The following ILDR2 variants were observed in gnomAD, a reference collection of about 807,000 sequenced individuals.
ILDR2 encodes immunoglobulin-like domain-containing receptor 2.
A neutral mutation model predicts 66.8 loss-of-function variants in ILDR2; 25 were observed. That is an observed-to-expected ratio of 0.37 (90% CI 0.27 to 0.52). The LOEUF (loss-of-function observed/expected upper bound fraction) is 0.52. Among genes scored for constraint, ILDR2 ranks in the 20% least tolerant of loss-of-function variants. ILDR2 has a pLI of 0.88. For missense variants in ILDR2, 827 were observed against 876.8 expected (o/e 0.94, Z 0.72); for synonymous variants, 367 against 357.2 (o/e 1.03, Z -0.31).
At chr1:166,954,674 AT>A (rs1052340800) in intron 3 of ILDR2, among the ~76,000 whole-genome samples, 8 of 151,788 alleles carry the variant, frequency 5.3e-5, no homozygotes, top group East Asian at 1.9e-4. Flanking sequence ...AGTAATACTG[AT>A]TTTTTTTCTT....
downstream of ILDR2, chr1:166,907,315 C>T (rs1316805484): frequency 6.6e-6 from 1 of 152,202 alleles, no homozygotes; most frequent in Non-Finnish European, 1.5e-5. Context: ...CAATAGCCCT[C>T]AAGTGTCTGG....
downstream of ILDR2, among the ~76,000 whole-genome samples, chr1:166,907,537 A>G (rs1417585411): frequency 3.9e-5 from 6 of 152,020 alleles, no homozygotes; most frequent in African/African-American, 1.2e-4. Flanking sequence ...GAGTCTCCCC[A>G]CTCCACAATC....
At chr1:166,974,759 A>G (rs1388084925) in intron 1 of ILDR2, among the ~76,000 whole-genome samples, 1 of 152,114 alleles carries the variant, frequency 6.6e-6, no homozygotes, top group Non-Finnish European at 1.5e-5. Flanking sequence ...TCTCTAGGGA[A>G]GAAATTAAGG....
intron 1 of ILDR2, among the ~76,000 whole-genome samples, chr1:166,963,932 G>A (rs1662776392): frequency 6.6e-6 from 1 of 152,092 alleles, no homozygotes; most frequent in South Asian, 2.1e-4. Flanking sequence ...AACACCATAT[G>A]GGACTTGAGT....
intron 6 of ILDR2, among the ~76,000 whole-genome samples, chr1:166,934,167 C>G (rs1379139208): frequency 6.6e-6 from 1 of 152,048 alleles, no homozygotes; most frequent in Non-Finnish European, 1.5e-5. Context: ...TATTTTAATG[C>G]CCCTCCACCT....
At position 166,936,822 on chromosome 1, in the gene ILDR2, G is replaced by T; in HGVS notation, c.557-85C>A. The T allele has an allele frequency of 7.4e-7, 1 of 1,343,304 alleles. No homozygotes were observed. Among genetic ancestry groups the T allele is most frequent in the East Asian group, 2.4e-5 (1 of 41,630 alleles). 83.2% of individuals were successfully genotyped at this position (1,343,304 alleles called of 1,614,324 possible). On this transcript the variant is annotated intron_variant, in intron 4 of 9. Transcript: ENST00000271417. The surrounding 1 kb of genome is among the most constrained non-coding windows in gnomAD (Gnocchi z 5.0). ...CTTTGATTGGCATCTCCCGGTGAAA[G>T]GGGGAGAGGAGGAGGGACCTAGGGA...
chr1:166,962,033 C>A (rs188524916), intron 1 of ILDR2, among the ~76,000 whole-genome samples: 1 of 152,230 alleles, frequency 6.6e-6, no homozygotes, highest in Non-Finnish European at 1.5e-5. Context: ...GACTAGAATT[C>A]CAAGTAAATG....
rs57212569 is a variant in ILDR2 at position 166,950,726 on chromosome 1, T to TACACACAC, written c.499+5999_499+6006dup. Among the ~76,000 whole-genome samples the TACACACAC allele has an allele frequency of 7.4e-3, 1,089 of 146,710 alleles. 16 individuals carry two copies. The highest frequency in any genetic ancestry group is 0.024 in the African/African-American group (949 of 39,760). ...GTATTGTGAATAATTTGATCTAAAA[T>TACACACAC]ACACACACACACACACACACACACA... is the stretch of plus-strand genomic sequence containing the variant. On this transcript the variant is annotated intron_variant, in intron 3 of 9. Transcript: ENST00000271417.
chr1:166,926,146 G>C (rs1373192704), intron 7 of ILDR2, among the ~76,000 whole-genome samples: 2 of 152,132 alleles, frequency 1.3e-5, no homozygotes, highest in Non-Finnish European at 2.9e-5. Context: ...TTCTAGTCTG[G>C]GACTGTTTCC....
At chr1:166,924,692 C>T (rs546098501) in intron 7 of ILDR2, among the ~76,000 whole-genome samples, 2 of 152,266 alleles carry the variant, frequency 1.3e-5, no homozygotes, top group Admixed American at 6.5e-5. Flanking sequence ...ATTGGCATGG[C>T]TATATTCCAA....
Position 166,912,161 on chromosome 1 carries a change from CT to C in ILDR2, c.*7193del, listed in dbSNP as rs1328935781. 6.6e-6 allele frequency: 1 copy of C among 152,144 alleles called. No individual in the cohort carries two copies. The highest frequency in any genetic ancestry group is 1.5e-5 in the Non-Finnish European group (1 of 68,012). 9.4% of individuals were successfully genotyped at this position (152,144 alleles called of 1,614,324 possible). ...AGACAGATTAGGAAGGATAATTAAA[CT>C]GGTAATTGACTTCTTAAAAGCAAAA... On this transcript the variant is annotated 3_prime_UTR_variant, in exon 10 of 10. Coordinates refer to ENST00000271417, the MANE Select transcript of ILDR2 (RefSeq NM_199351.3).
chr1:166,971,959 C>T (rs561995940), intron 1 of ILDR2, among the ~76,000 whole-genome samples: 1 of 152,118 alleles, frequency 6.6e-6, no homozygotes, highest in Non-Finnish European at 1.5e-5. Context: ...CATCTGTAAT[C>T]CCAGCACTTT....
chr1:166,944,888 C>A (rs374408821), intron 3 of ILDR2, among the ~76,000 whole-genome samples: 1 of 152,254 alleles, frequency 6.6e-6, no homozygotes, highest in South Asian at 2.1e-4. Context: ...AGTGCCTCCA[C>A]TACCAAGATG....
At chr1:166,954,794 C>T (rs1662176947) in intron 3 of ILDR2, among the ~76,000 whole-genome samples, 1 of 152,120 alleles carries the variant, frequency 6.6e-6, no homozygotes, top group South Asian at 2.1e-4. Context: ...GCCCAAGTTG[C>T]TTTGCATGTT....
At chr1:166,900,925 C>G (rs1310433428) in intron 2 of ILDR2, among the ~76,000 whole-genome samples, 4 of 152,198 alleles carry the variant, frequency 2.6e-5, no homozygotes, top group Non-Finnish European at 5.9e-5. Context: ...GATTTTCCCA[C>G]CTTCTCCATT....
At chr1:166,924,741 A>C (rs1281740038) in intron 7 of ILDR2, among the ~76,000 whole-genome samples, 1 of 152,248 alleles carries the variant, frequency 6.6e-6, no homozygotes, top group Admixed American at 6.5e-5. Flanking sequence ...GGGGCTGGGC[A>C]CGGTAGCTCA....
At chr1:166,939,674 G>A (rs1351676180) in intron 3 of ILDR2, 104 bp from the exon 4 acceptor site, 2 of 832,436 alleles carry the variant, frequency 2.4e-6, no homozygotes, top group African/African-American at 3.3e-5. Flanking sequence ...GCGGCCATTA[G>A]TGCATGCTCT....
rs371855328 is a variant in ILDR2 at position 166,935,510 on chromosome 1, C to T, written c.704-33G>A. On this transcript the variant is annotated intron_variant, in intron 5 of 9. Transcript: ENST00000271417. ...GGGAGATCAAGAGCAAGAGAGATTA[C>T]GTCGTCCCACCCTCCACAACCCTCA... 1,817 of 1,519,944 alleles carry T rather than the reference C, an allele frequency of 1.2e-3. 35 individuals are homozygous for T. The South Asian group carries it at 0.022, about 19-fold the overall frequency. 94.2% of individuals were successfully genotyped at this position (1,519,944 alleles called of 1,614,324 possible).
intron 2 of ILDR2, among the ~76,000 whole-genome samples, chr1:166,901,591 A>G (rs1448309133): frequency 6.6e-6 from 1 of 152,078 alleles, no homozygotes; most frequent in Non-Finnish European, 1.5e-5. Flanking sequence ...TTTATATTCA[A>G]GGGCTGATTT....
Sources: gnomAD v4.1 joint callset for allele counts (sites outside exome capture counted in the v4.1 genomes callset) on GRCh38, gnomAD v4.1.1 for gene constraint, Gnocchi (gnomAD v3.1) non-coding constraint, MANE v1.5 for transcripts, NCBI Gene and HGNC (gene_info 2026-07-23, HGNC 2026-07-21) for gene names.